HFM1: variants seen among roughly 807,000 people sequenced by gnomAD.
HFM1 encodes probable ATP-dependent DNA helicase HFM1.
A neutral mutation model predicts 192.1 loss-of-function variants in HFM1; 169 were observed. The observed-to-expected ratio is 0.88, with a 90% CI of 0.78 to 1.00. The LOEUF (loss-of-function observed/expected upper bound fraction) is 1.00, where lower values mean the gene tolerates loss of function less well. Among genes scored for constraint, HFM1 ranks in the 50% least tolerant of loss-of-function variants. The pLI, the probability that HFM1 is intolerant of heterozygous loss-of-function variation, is 0.00. For missense variants in HFM1, 1,661 were observed against 1,668.0 expected (o/e 1.00, Z 0.07); for synonymous variants, 525 against 537.8 (o/e 0.98, Z 0.33).
chr1:91,316,679 A>G (rs1651272673), intron 25 of HFM1, among the ~76,000 whole-genome samples: 1 of 152,242 alleles, frequency 6.6e-6, no homozygotes, highest in Admixed American at 6.5e-5. Flanking sequence ...TCAGACAAAT[A>G]AAATATGCAT....
Position 91,268,748 on chromosome 1 carries a change from C to A in HFM1, c.3773-893G>T, listed in dbSNP as rs1030443129. Among the ~76,000 whole-genome samples, 35 of 152,006 alleles carry A rather than the reference C, an allele frequency of 2.3e-4. 1 individual carries two copies. Among genetic ancestry groups the A allele is most frequent in the African/African-American group, 8.4e-4 (35 of 41,436 alleles). On this transcript the variant is annotated intron_variant, in intron 34 of 38. Coordinates refer to ENST00000370425, the MANE Select transcript of HFM1 (RefSeq NM_001017975.6). The stretch of plus-strand genomic sequence containing the variant: ...GTAAATTCCATATATCTAATTGATT[C>A]TCATTGAATGTTTTCATTAAGTTTT...
intron 30 of HFM1, among the ~76,000 whole-genome samples, chr1:91,295,807 C>G (rs1385451371): frequency 3.3e-5 from 5 of 152,162 alleles, no homozygotes; most frequent in Admixed American, 2.0e-4. Flanking sequence ...CAACCTATCC[C>G]AAGGTCTCGA....
intron 5 of HFM1, 110 bp downstream of exon 5, chr1:91,385,465 G>T: frequency 2.1e-6 from 2 of 933,074 alleles, no homozygotes; most frequent in Non-Finnish European, 3.2e-6. Context: ...TGCAGAAATT[G>T]CACAGAGAGA....
intron 5 of HFM1, 49 bp downstream of exon 5, chr1:91,385,526 T>A (rs1571200781): frequency 1.4e-6 from 2 of 1,434,824 alleles, no homozygotes; most frequent in Non-Finnish European, 1.9e-6. Flanking sequence ...TGCTAAGAAA[T>A]GTGGTTTAGT....
intron 30 of HFM1, among the ~76,000 whole-genome samples, chr1:91,279,848 A>G (rs967086230): frequency 6.6e-6 from 1 of 152,012 alleles, no homozygotes; most frequent in African/African-American, 2.4e-5. Flanking sequence ...TGCTTACTGT[A>G]TGCTGCCTTA....
chr1:91,313,780 T>C (rs1370586205), intron 29 of HFM1, among the ~76,000 whole-genome samples, 177 bp downstream of exon 29: 1 of 152,116 alleles, frequency 6.6e-6, no homozygotes, highest in Non-Finnish European at 1.5e-5. Context: ...CTGGTCCATG[T>C]TATGTTTTAC....
intron 13 of HFM1, among the ~76,000 whole-genome samples, chr1:91,372,890 T>C (rs1660423659): frequency 6.6e-6 from 1 of 152,122 alleles, no homozygotes; most frequent in African/African-American, 2.4e-5. Context: ...TGTGAGCTCT[T>C]TGTTGGTTTT....
chr1:91,296,228 A>AT (rs1386036410), intron 30 of HFM1, among the ~76,000 whole-genome samples: 1 of 151,994 alleles, frequency 6.6e-6, no homozygotes, highest in Non-Finnish European at 1.5e-5. Flanking sequence ...CTGACATACA[A>AT]TTTTTTCCAT....
chr1:91,323,460 A>AAGAT (rs1652430791), intron 21 of HFM1, among the ~76,000 whole-genome samples: 1 of 152,204 alleles, frequency 6.6e-6, no homozygotes, highest in African/African-American at 2.4e-5. Context: ...AAAGATTAAC[A>AAGAT]AGATAGAATT....
rs189831983 is a variant in HFM1 at position 91,357,619 on chromosome 1, G to C, written c.1686-4320C>G. ...AGTACTACCAAGAGCAATCAGATAA[G>C]AAAAAAATAAAAGGAATTCAAATTT... On this transcript the variant is annotated intron_variant, in intron 13 of 38. Coordinates refer to ENST00000370425, the MANE Select transcript of HFM1 (RefSeq NM_001017975.6). Among the ~76,000 whole-genome samples the C allele has an allele frequency of 9.9e-5, 15 of 151,472 alleles. No individual in the cohort carries two copies. The East Asian group carries it at 2.9e-3, about 29-fold the overall frequency.
intron 17 of HFM1, among the ~76,000 whole-genome samples, chr1:91,351,210 G>C (rs1656892897): frequency 6.6e-6 from 1 of 151,674 alleles, no homozygotes; most frequent in Admixed American, 6.6e-5. Flanking sequence ...AAGTGAAAAT[G>C]ATATTTCTCC....
chr1:91,401,122 G>T lies in HFM1; in HGVS notation c.-27-13C>A. On this transcript the variant is annotated splice_polypyrimidine_tract_variant and intron_variant, in intron 1 of 38. Coordinates refer to ENST00000370425, the MANE Select transcript of HFM1 (RefSeq NM_001017975.6). ...CTTTGTCATAAATCTACAAAATATG[G>T]AAAAAGTAGTTTATATTTTATTTAT... 1 of 1,098,554 alleles carries T rather than the reference G, an allele frequency of 9.1e-7. No individual in the cohort carries two copies. The highest frequency in any genetic ancestry group is 1.3e-6 in the Non-Finnish European group (1 of 757,492). The allele number at this position is 1,098,554 out of a possible 1,614,324, so 68.1% of individuals were successfully genotyped here.
chr1:91,304,496 C>T (rs986102978), intron 30 of HFM1, among the ~76,000 whole-genome samples: 4 of 151,968 alleles, frequency 2.6e-5, no homozygotes, highest in East Asian at 1.9e-4. Context: ...GACAGAGTTT[C>T]GCTCTTGTTG....
chr1:91,344,291 T>C (rs1363762897), intron 19 of HFM1, among the ~76,000 whole-genome samples: 1 of 152,136 alleles, frequency 6.6e-6, no homozygotes, highest in Non-Finnish European at 1.5e-5. Flanking sequence ...CAATCCTAAA[T>C]AGAGCAGCCA....
chr1:91,305,149 C>T (rs1570885790), intron 30 of HFM1, among the ~76,000 whole-genome samples: 1 of 152,144 alleles, frequency 6.6e-6, no homozygotes, highest in Non-Finnish European at 1.5e-5. Context: ...CTTAGCTATT[C>T]TGGGTCCCTT....
intron 28 of HFM1, 25 bp from the exon 29 acceptor site, chr1:91,314,085 G>A: frequency 7.2e-7 from 1 of 1,383,898 alleles, no homozygotes; most frequent in Non-Finnish European, 1.0e-6. Context: ...AGTTTAAATA[G>A]TGATCCAAAC....
At position 91,379,151 on chromosome 1, in the gene HFM1, A is replaced by G. The variant is rs1661254847; in HGVS notation, c.1070T>C (p.Ile357Thr). The G allele has an allele frequency of 6.2e-7, 1 of 1,608,530 alleles. No homozygotes were observed. The highest frequency in any genetic ancestry group is 8.5e-7 in the Non-Finnish European group (1 of 1,176,622). The change falls in exon 9 of 39, where the codon ATA (isoleucine) becomes ACA (threonine). Residue 357 changes from isoleucine (I) to threonine (T), a missense_variant. Ile to Thr is a moderately conservative substitution (Grantham distance 89). Transcript: ENST00000370425. ...AGTAAGTTCTTTACAATTCAATCCT[A>G]TTGGTCCAAATTTTTCTTTCCAGTC... ...FDDWKEKFGP[I>T]GLNCKELTGD...
chr1:91,324,266 C>T (rs949831854), intron 21 of HFM1, among the ~76,000 whole-genome samples: 6 of 152,154 alleles, frequency 3.9e-5, no homozygotes, highest in African/African-American at 7.2e-5. Flanking sequence ...GTTGCAAGTA[C>T]GTGGCACACA....
chr1:91,315,069 C>T (rs1327670947), intron 28 of HFM1, among the ~76,000 whole-genome samples: 1 of 152,152 alleles, frequency 6.6e-6, no homozygotes, highest in East Asian at 1.9e-4. Flanking sequence ...GGGTTCAAAT[C>T]TAGACTTTGC....
Sources: gnomAD v4.1 joint callset for allele counts (sites outside exome capture counted in the v4.1 genomes callset) on GRCh38, gnomAD v4.1.1 for gene constraint, MANE v1.5 for transcripts, NCBI Gene and HGNC (gene_info 2026-07-23, HGNC 2026-07-21) for gene names.